PCDHA8: variants seen among roughly 807,000 people sequenced by gnomAD.
PCDHA8 encodes the protein protocadherin alpha-8.
In PCDHA8, 53 loss-of-function variants were observed where a neutral mutation model predicts 61.8. That is an observed-to-expected ratio of 0.86 (90% CI 0.69 to 1.08). The LOEUF (loss-of-function observed/expected upper bound fraction) is 1.08, where lower values mean the gene tolerates loss of function less well. Ranked by LOEUF, PCDHA8 falls within the 50% of genes least tolerant of loss-of-function variation. The pLI is 0.00. For synonymous variants in PCDHA8, 618 were observed against 556.6 expected (o/e 1.11, Z -1.55); for missense variants, 1,293 against 1,245.0 (o/e 1.04, Z -0.58).
intron 3 of PCDHA8, among the ~76,000 whole-genome samples, chr5:140,992,189 G>T (rs1554252741): frequency 6.6e-6 from 1 of 152,098 alleles, no homozygotes; most frequent in Non-Finnish European, 1.5e-5. Context: ...TGCTTTCAGT[G>T]ATCTATCCAA....
intron 1 of PCDHA8, among the ~76,000 whole-genome samples, chr5:140,962,792 T>C (rs1554226245): frequency 6.6e-6 from 1 of 152,234 alleles, no homozygotes; most frequent in African/African-American, 2.4e-5. Context: ...AAAAACTACT[T>C]TGGACAACTC....
intron 3 of PCDHA8, among the ~76,000 whole-genome samples, chr5:141,000,501 C>G (rs1252221313): frequency 2.1e-5 from 3 of 139,584 alleles, no homozygotes; most frequent in Admixed American, 7.5e-5. Flanking sequence ...GATCTCGGCT[C>G]ACTGCAACCT....
At chr5:140,966,796 G>A (rs1255615650) in intron 1 of PCDHA8, 8 of 1,535,610 alleles carry the variant, frequency 5.2e-6, no homozygotes, top group African/African-American at 1.4e-5. Flanking sequence ...GACCTGCGGC[G>A]ACAGAGCATC....
intron 1 of PCDHA8, chr5:140,882,640 G>C (rs1330929245): frequency 1.2e-6 from 2 of 1,614,068 alleles, no homozygotes; most frequent in Admixed American, 3.3e-5. Context: ...TGAAGGTGAG[G>C]GACATTAACG....
chr5:140,921,925 G>A (rs895157006), intron 1 of PCDHA8, among the ~76,000 whole-genome samples: 2 of 151,816 alleles, frequency 1.3e-5, no homozygotes, highest in African/African-American at 4.8e-5. Flanking sequence ...AAAACTTATA[G>A]TCAATATAAT....
At chr5:140,939,441 T>A (rs1471285631) in intron 1 of PCDHA8, among the ~76,000 whole-genome samples, 1 of 152,274 alleles carries the variant, frequency 6.6e-6, no homozygotes, top group East Asian at 1.9e-4. Flanking sequence ...TTTGAAGAAT[T>A]AAGAGTGAAA....
intron 1 of PCDHA8, among the ~76,000 whole-genome samples, chr5:140,873,597 T>C (rs2054375206): frequency 6.6e-6 from 1 of 152,354 alleles, no homozygotes; most frequent in Middle Eastern, 3.4e-3. Context: ...TAAACTTAGA[T>C]GTTCCTATTG....
intron 1 of PCDHA8, chr5:140,875,830 G>A (rs782702520): frequency 4.6e-5 from 75 of 1,614,104 alleles, no homozygotes; most frequent in East Asian, 8.9e-5. Flanking sequence ...TTTCCATGTG[G>A]ACGTGGAGGT....
chr5:140,953,099 G>A lies in PCDHA8; in HGVS notation c.2395-25850G>A, dbSNP rs1554220803. On this transcript the variant is annotated intron_variant, in intron 1 of 3. Transcript: ENST00000531613. ...CATTGGGGATTACAATTTGACATGA[G>A]ATTTGGGCAGGGACACAGATCTAAA... Among the ~76,000 whole-genome samples, 7 of 152,256 alleles carry A rather than the reference G, an allele frequency of 4.6e-5. 1 individual carries two copies. Among genetic ancestry groups the A allele is most frequent in the South Asian group, 2.1e-4 (1 of 4,828 alleles).
chr5:140,898,114 G>A (rs367767804), intron 1 of PCDHA8, among the ~76,000 whole-genome samples: 18 of 151,862 alleles, frequency 1.2e-4, no homozygotes, highest in Non-Finnish European at 2.4e-4. Context: ...AGTAGGTTGC[G>A]AAAATTTTCT....
intron 1 of PCDHA8, chr5:140,870,600 C>T (rs2052205241): frequency 6.2e-7 from 1 of 1,613,338 alleles, no homozygotes. Context: ...GGCGGTTGGG[C>T]GACCGCGCGC....
At chr5:140,936,153 A>G (rs539421853) in intron 1 of PCDHA8, among the ~76,000 whole-genome samples, 1 of 152,284 alleles carries the variant, frequency 6.6e-6, no homozygotes, top group Admixed American at 6.5e-5. Flanking sequence ...TTGGCCTCCT[A>G]AAGTGCTGGG....
intron 1 of PCDHA8, chr5:140,859,106 A>G (rs2045724264): frequency 6.7e-6 from 1 of 150,166 alleles, no homozygotes; most frequent in African/African-American, 2.4e-5. Context: ...CACTTAGCAG[A>G]AGAAAATGTA....
chr5:140,897,461 A>G (rs1374397258), intron 1 of PCDHA8, among the ~76,000 whole-genome samples: 5 of 151,630 alleles, frequency 3.3e-5, no homozygotes, highest in African/African-American at 4.8e-5. Flanking sequence ...TCCTTGCGAT[A>G]GTTTACTGAG....
intron 1 of PCDHA8, among the ~76,000 whole-genome samples, chr5:140,960,872 AAT>A (rs2095576865): frequency 6.6e-6 from 1 of 152,232 alleles, no homozygotes; most frequent in Admixed American, 6.5e-5. Flanking sequence ...AATTAGCTGA[AAT>A]ACACACTAAT....
In PCDHA8 at chr5:140,849,922, C is replaced by T. The variant is rs140735832; in HGVS notation, c.2394+6207C>T. 4.3e-5 allele frequency: 69 copies of T among 1,598,214 alleles called. 4 individuals carry two copies. Among genetic ancestry groups the T allele is most frequent in the Middle Eastern group, 1.7e-4 (1 of 5,782 alleles). On this transcript the variant is annotated intron_variant, in intron 1 of 3. Transcript: ENST00000531613. The stretch of plus-strand genomic sequence containing the variant: ...AACCCGCCGGGCTGCCACATCTTCA[C>T]GGTGTCTGCGCGGGACGCTGACGCG...
At chr5:140,877,497 C>G in intron 1 of PCDHA8, 1 of 1,613,848 alleles carries the variant, frequency 6.2e-7, no homozygotes, top group South Asian at 1.1e-5. Context: ...ACGGCCAGGC[C>G]CCAAAGACGT....
chr5:140,954,724 C>T (rs2095079319), intron 1 of PCDHA8, among the ~76,000 whole-genome samples: 1 of 152,196 alleles, frequency 6.6e-6, no homozygotes, highest in Admixed American at 6.5e-5. Context: ...TGTAGGTTGT[C>T]TTTTCACTCT....
At chr5:140,880,842 T>C (rs1554171525) in intron 1 of PCDHA8, among the ~76,000 whole-genome samples, 1 of 152,194 alleles carries the variant, frequency 6.6e-6, no homozygotes, top group East Asian at 1.9e-4. Flanking sequence ...TTTAAATGGT[T>C]GACTATGTAG....
Sources: allele counts gnomAD v4.1 joint callset (sites outside exome capture counted in the v4.1 genomes callset), GRCh38; gene constraint gnomAD v4.1.1; transcripts MANE v1.5; gene names NCBI Gene and HGNC (gene_info 2026-07-23, HGNC 2026-07-21).